The following USP42 variants were observed in gnomAD, a reference collection of about 807,000 sequenced individuals.
USP42 encodes the protein ubiquitin carboxyl-terminal hydrolase 42.
A neutral mutation model predicts 113.0 loss-of-function variants in USP42; 23 were observed. The observed-to-expected ratio is 0.20, with a 90% CI of 0.15 to 0.29. The LOEUF (loss-of-function observed/expected upper bound fraction) is 0.29, where lower values mean the gene tolerates loss of function less well. Ranked by LOEUF, USP42 falls within the 10% of genes least tolerant of loss-of-function variation. The pLI is 1.00. For missense variants in USP42, 2,174 were observed against 1,779.8 expected, an observed-to-expected ratio of 1.22 and a Z score of -3.99; for synonymous variants, 933 against 699.0, an observed-to-expected ratio of 1.33 and a Z score of -5.28.
chr7:6,138,591 G>C (rs572819794), intron 4 of USP42, among the ~76,000 whole-genome samples: 3 of 152,178 alleles, frequency 2.0e-5, no homozygotes, highest in South Asian at 2.1e-4. Context: ...TAAAGCAGGG[G>C]TCCCTAACCC....
the USP42 span, among the ~76,000 whole-genome samples, chr7:6,087,290 C>A: frequency 4.0e-3 from 594 of 150,156 alleles, 37 homozygotes; most frequent in African/African-American, 0.014. Flanking sequence ...CTTGGCCTAC[C>A]AAAGTGCTGG....
At chr7:6,126,711 G>A (rs1780567416) in intron 3 of USP42, among the ~76,000 whole-genome samples, 1 of 152,158 alleles carries the variant, frequency 6.6e-6, no homozygotes, top group Admixed American at 6.6e-5. Flanking sequence ...GATATCGTGA[G>A]TAGAGCTGCA....
rs1782766679 is a variant in USP42 at position 6,161,282 on chromosome 7, C to G, written c.*764C>G. ...TTGTCTGCTTGGTCCCTTCGAGTTT[C>G]TAGTTACAGACACAATCATACTGTG... On this transcript the variant is annotated 3_prime_UTR_variant, in exon 18 of 18. Coordinates refer to ENST00000306177, the MANE Select transcript of USP42 (RefSeq NM_032172.3). The G allele has an allele frequency of 6.6e-6, 1 of 152,504 alleles. No individual in the cohort carries two copies. Among genetic ancestry groups the G allele is most frequent in the Non-Finnish European group, 1.5e-5 (1 of 68,042 alleles). The allele number at this position is 152,504 out of a possible 1,614,324, so 9.4% of individuals were successfully genotyped here. A position where few individuals can be genotyped will look rare whatever the true frequency, so the allele number is the denominator to read the frequency against.
chr7:6,125,732 C>T (rs1219878327), intron 3 of USP42, among the ~76,000 whole-genome samples: 1 of 151,232 alleles, frequency 6.6e-6, no homozygotes, highest in African/African-American at 2.4e-5. Context: ...TTCAGATTTC[C>T]ATTTGGTATT....
intron 3 of USP42, among the ~76,000 whole-genome samples, chr7:6,133,992 G>A (rs977336660): frequency 6.6e-5 from 10 of 150,588 alleles, no homozygotes; most frequent in Non-Finnish European, 1.2e-4. Context: ...CTGGGTTCAC[G>A]CCATTCTCTT....
intron 3 of USP42, 23 bp downstream of exon 3, chr7:6,115,546 G>T: frequency 6.2e-7 from 1 of 1,611,842 alleles, no homozygotes; most frequent in Non-Finnish European, 8.5e-7. Flanking sequence ...TGTTGTGTTT[G>T]TAGTATTGTA....
intron 3 of USP42, among the ~76,000 whole-genome samples, chr7:6,122,872 A>G (rs935250712): frequency 1.1e-4 from 16 of 151,450 alleles, no homozygotes; most frequent in African/African-American, 3.6e-4. Context: ...CGCCCAGGCT[A>G]GAGTGCAGTG....
In USP42 at chr7:6,147,786, G is replaced by T. The variant is rs111276314; in HGVS notation, c.1280G>T (p.Ser427Ile). 67 of 1,609,930 alleles carry T rather than the reference G, an allele frequency of 4.2e-5. No individual in the cohort carries two copies. The African/African-American group carries it at 4.9e-4, about 12-fold the overall frequency. Residue 427 changes from serine to isoleucine, a missense_variant, in exon 12 of 18, where the codon AGC becomes ATC. Ser to Ile is a moderately radical substitution (Grantham distance 142). Coordinates refer to ENST00000306177, the MANE Select transcript of USP42 (RefSeq NM_032172.3). ...GGTGAACTTACTCATCCCACCCATAGCCCCGGCCAGTCCTCTCCCCGCCCC... is the reference window on the plus strand; with the variant it reads ...GGTGAACTTACTCATCCCACCCATATCCCCGGCCAGTCCTCTCCCCGCCCC... ...NGGELTHPTHSPGQSSPRPVI... is the reference protein window; with the variant it reads ...NGGELTHPTHIPGQSSPRPVI...
the USP42 span, among the ~76,000 whole-genome samples, chr7:6,092,712 T>C: frequency 6.6e-6 from 1 of 151,302 alleles, no homozygotes; most frequent in Non-Finnish European, 1.5e-5. Flanking sequence ...TGTCAATCCA[T>C]AAAGGAGAGA....
chr7:6,126,641 A>G (rs1049033014), intron 3 of USP42, among the ~76,000 whole-genome samples: 2 of 152,124 alleles, frequency 1.3e-5, no homozygotes, highest in African/African-American at 4.8e-5. Flanking sequence ...GGTTGTTTCT[A>G]GTTTTGGGAT....
chr7:6,084,906 A>T, the USP42 span, among the ~76,000 whole-genome samples: 1 of 150,114 alleles, frequency 6.7e-6, no homozygotes, highest in Non-Finnish European at 1.5e-5. Context: ...TTTAGTATAG[A>T]TGGGGTTTCA....
chr7:6,125,510 T>A (rs1199401151), intron 3 of USP42, among the ~76,000 whole-genome samples: 2 of 152,106 alleles, frequency 1.3e-5, no homozygotes, highest in Non-Finnish European at 2.9e-5. Context: ...CACAACAATA[T>A]TCTGCTTCTC....
intron 11 of USP42, among the ~76,000 whole-genome samples, chr7:6,147,109 AAATATT>A (rs1781758390): frequency 6.6e-6 from 1 of 152,230 alleles, no homozygotes; most frequent in African/African-American, 2.4e-5. Context: ...CTGCACATTG[AAATATT>A]AAACACTGGC....
chr7:6,130,053 A>G (rs1385866299), intron 3 of USP42, among the ~76,000 whole-genome samples: 5 of 151,926 alleles, frequency 3.3e-5, no homozygotes, highest in African/African-American at 1.2e-4. Flanking sequence ...TGGTGTAATC[A>G]TGGCTCACTG....
At chr7:6,153,042 G>A (rs562969660) in intron 14 of USP42, 29 of 792,726 alleles carry the variant, frequency 3.7e-5, no homozygotes, top group Admixed American at 1.2e-4. Context: ...AGGCTGAGGC[G>A]GGCGGATCAC....
rs2128503534 is a variant in USP42 at position 6,139,162 on chromosome 7, T to A, written c.624T>A (p.Ala208=). The change falls in exon 5 of 18, where the codon GCT becomes GCA. Residue 208 remains alanine, a synonymous_variant. Transcript: ENST00000306177. The surrounding 1 kb of genome is among the most constrained non-coding windows in gnomAD (Gnocchi z 4.5). The part of the protein sequence containing the change: ...AHEFLQYTVD[A]MQKACLNGSN... ...AATTCCTTCAATACACTGTTGATGC[T>A]ATGCAGAAAGCATGCTTGAATGGCA... 1 of 1,609,052 alleles carries A rather than the reference T, an allele frequency of 6.2e-7. No individual in the cohort carries two copies. Among genetic ancestry groups the A allele is most frequent in the East Asian group, 2.2e-5 (1 of 44,820 alleles).
chr7:6,154,993 C>T lies in USP42; in HGVS notation c.3439C>T (p.Leu1147Phe), dbSNP rs745712582. Residue 1147 changes from leucine to phenylalanine, a missense_variant, in exon 15 of 18, where the codon CTC becomes TTC. Transcript: ENST00000306177. Reference protein sequence around the residue: ...TALVAGDNCNLSDRFHEHENG... With the variant: ...TALVAGDNCNFSDRFHEHENG... ...ACTTGTAGCCGGAGACAACTGTAAC[C>T]TCTCTGATCGGTTTCACGAACACGA... is the stretch of plus-strand genomic sequence containing the variant. 7.0e-6 allele frequency: 11 copies of T among 1,564,262 alleles called. No homozygotes were observed. The highest frequency in any genetic ancestry group is 5.4e-5 in the African/African-American group (4 of 73,648).
At chr7:6,153,613 G>A in intron 14 of USP42, 143 bp from the exon 15 acceptor site, 1 of 1,104,264 alleles carries the variant, frequency 9.1e-7, no homozygotes, top group Non-Finnish European at 1.2e-6. Context: ...TGCACATGTA[G>A]CCTGAAACTT....
At chr7:6,129,518 C>G (rs576090865) in intron 3 of USP42, among the ~76,000 whole-genome samples, 1 of 145,936 alleles carries the variant, frequency 6.9e-6, no homozygotes, top group Non-Finnish European at 1.5e-5. Flanking sequence ...GATTGTGCTA[C>G]TGCACTCCAG....
Sources: allele counts gnomAD v4.1 joint callset (sites outside exome capture counted in the v4.1 genomes callset), GRCh38; gene constraint gnomAD v4.1.1; non-coding constraint Gnocchi (gnomAD v3.1); transcripts MANE v1.5; gene names NCBI Gene and HGNC (gene_info 2026-07-23, HGNC 2026-07-21).